SFTPD: variants seen among roughly 807,000 people sequenced by gnomAD.
SFTPD encodes surfactant protein D, also known as pulmonary surfactant-associated protein D.
Under a neutral mutation model 34.6 loss-of-function variants are expected in SFTPD, and 18 were observed. The ratio of observed to expected loss-of-function variants is 0.52; its 90% CI spans 0.36 to 0.77. The LOEUF (loss-of-function observed/expected upper bound fraction) is 0.77. SFTPD is among the 30% of genes least tolerant of loss of function. The probability of loss-of-function intolerance (pLI) is 0.00; values close to 1 mark genes in which losing one functional copy is unlikely to be tolerated. For synonymous variants in SFTPD, 155 were observed against 180.9 expected, an observed-to-expected ratio of 0.86 and a Z score of 1.15; for missense variants, 433 against 468.9, an observed-to-expected ratio of 0.92 and a Z score of 0.71.
At chr10:79,977,452 A>G (rs560940177) in intron 1 of SFTPD, among the ~76,000 whole-genome samples, 18 of 151,962 alleles carry the variant, frequency 1.2e-4, no homozygotes, top group Admixed American at 2.6e-4. Flanking sequence ...CTGATACTCA[A>G]TCATAAACAA....
intron 1 of SFTPD, among the ~76,000 whole-genome samples, chr10:79,966,497 G>A (rs1175223591): frequency 7.9e-6 from 1 of 126,340 alleles, no homozygotes; most frequent in East Asian, 3.0e-4. Context: ...TTTGTCAGAT[G>A]AGTAGGTTGC....
chr10:79,951,135 T>G (rs1842707837), upstream of SFTPD: 1 of 152,194 alleles, frequency 6.6e-6, no homozygotes, highest in African/African-American at 2.4e-5. Flanking sequence ...AACTTTCTCT[T>G]GTATCTCATT....
chr10:79,979,373 A>G (rs1029124151), intron 1 of SFTPD, among the ~76,000 whole-genome samples: 1 of 152,256 alleles, frequency 6.6e-6, no homozygotes, highest in African/African-American at 2.4e-5. Flanking sequence ...GAGCAATCAC[A>G]GTACATGGTT....
rs908530994 is a variant in SFTPD, at chr10:79,942,695, C to T, written c.316+68G>A. ...CTTCCTGGGATGGGCTCTGTGCGTG[C>T]CCACTGGCATATCCTTGCAGCTGCA... On this transcript the variant is annotated intron_variant, in intron 3 of 7. Transcript: ENST00000372292. 4 of 1,150,586 alleles carry T rather than the reference C, an allele frequency of 3.5e-6. No homozygotes were observed. The African/African-American group carries it at 6.1e-5, about 17-fold the overall frequency. 71.3% of individuals were successfully genotyped at this position (1,150,586 alleles called of 1,614,324 possible).
At chr10:79,949,470 G>A (rs1341854173), upstream of SFTPD, among the ~76,000 whole-genome samples, 3 of 152,162 alleles carry the variant, frequency 2.0e-5, no homozygotes, top group Admixed American at 6.5e-5. Context: ...CAGATCTTAA[G>A]AGCCAAGACC....
chr10:79,951,893 G>A (rs1842712314), upstream of SFTPD, among the ~76,000 whole-genome samples: 1 of 152,198 alleles, frequency 6.6e-6, no homozygotes, highest in Non-Finnish European at 1.5e-5. Context: ...TGCCTTGATG[G>A]GAGTGGAAAT....
chr10:79,948,399 G>T (rs723193), intron 1 of SFTPD, among the ~76,000 whole-genome samples: 12,165 of 152,244 alleles, frequency 0.08, 644 homozygotes, highest in South Asian at 0.2. Context: ...GGGCAGACCC[G>T]GGTTTTCAGG....
intron 1 of SFTPD, among the ~76,000 whole-genome samples, chr10:79,958,887 G>C (rs1413956768): frequency 4.0e-5 from 6 of 151,826 alleles, no homozygotes; most frequent in South Asian, 2.1e-4. Flanking sequence ...TGACCACATA[G>C]TTGGAAGTAA....
In SFTPD at chr10:79,938,063, G is replaced by A. The variant is rs1438201893; in HGVS notation, c.917C>T (p.Ala306Val). Residue 306 changes from alanine to valine, a missense_variant, in exon 8 of 8, where the codon GCT (alanine) becomes GTT (valine). Physicochemically the swap from Ala to Val is moderately conservative, Grantham distance 64. Transcript: ENST00000372292. ...ENAALQQLVV[A>V]KNEAAFLSMT... ...GCTCAGGAAAGCAGCCTCGTTCTTA[G>A]CTACGACCAGCTGTTGCAAGGCGGC... 4.3e-6 allele frequency: 7 copies of A among 1,614,034 alleles called. No individual in the cohort carries two copies. Among genetic ancestry groups the A allele is most frequent in the Non-Finnish European group, 5.9e-6 (7 of 1,180,016 alleles).
At chr10:79,951,698 A>T (rs1464096346), upstream of SFTPD, among the ~76,000 whole-genome samples, 1 of 152,216 alleles carries the variant, frequency 6.6e-6, no homozygotes, top group East Asian at 1.9e-4. Context: ...TGGCTGTGGC[A>T]TAAGCTGATG....
chr10:79,942,546 T>G, intron 3 of SFTPD, 42 bp from the exon 4 acceptor site: 1 of 1,315,616 alleles, frequency 7.6e-7, no homozygotes, highest in Non-Finnish European at 1.1e-6. Context: ...ATGAATCCTC[T>G]TGGCAGGAGG....
chr10:79,958,787 A>T (rs1842755033), intron 1 of SFTPD, among the ~76,000 whole-genome samples: 1 of 152,234 alleles, frequency 6.6e-6, no homozygotes, highest in Admixed American at 6.5e-5. Flanking sequence ...CTCTGCACCA[A>T]GCAGACCTAA....
chr10:79,959,622 A>G (rs932198430), intron 1 of SFTPD, among the ~76,000 whole-genome samples: 12 of 152,336 alleles, frequency 7.9e-5, no homozygotes, highest in African/African-American at 2.4e-4. Flanking sequence ...GAATAGACCA[A>G]TAACAGACTC....
At chr10:79,975,348 T>C (rs1314189788) in intron 1 of SFTPD, among the ~76,000 whole-genome samples, 1 of 152,200 alleles carries the variant, frequency 6.6e-6, no homozygotes, top group East Asian at 1.9e-4. Flanking sequence ...GTTACTTTGT[T>C]ATACTCTCCT....
intron 1 of SFTPD, chr10:79,969,815 T>C (rs529396431): frequency 2.0e-5 from 3 of 152,310 alleles, no homozygotes; most frequent in African/African-American, 7.2e-5. Context: ...AGTTTGCAAA[T>C]ATTTTCTCCC....
At chr10:79,945,963 A>G (rs1210022793) in intron 2 of SFTPD, among the ~76,000 whole-genome samples, 1 of 152,234 alleles carries the variant, frequency 6.6e-6, no homozygotes, top group African/African-American at 2.4e-5. Context: ...GCCCAAGCAC[A>G]AGGGTGGACA....
intron 7 of SFTPD, among the ~76,000 whole-genome samples, chr10:79,938,992 G>A (rs1050562762): frequency 2.0e-5 from 3 of 152,200 alleles, no homozygotes; most frequent in African/African-American, 7.2e-5. Flanking sequence ...TGGAAGACCA[G>A]GCATTCAGAT....
intron 1 of SFTPD, among the ~76,000 whole-genome samples, chr10:79,962,442 T>A (rs1421631674): frequency 6.6e-6 from 1 of 152,172 alleles, no homozygotes; most frequent in Admixed American, 6.5e-5. Flanking sequence ...TATTTTTATA[T>A]ATACTTACAT....
chr10:79,949,031 G>GA (rs1842692571), intron 1 of SFTPD, 35 bp downstream of exon 1: 3 of 152,196 alleles, frequency 2.0e-5, no homozygotes, highest in African/African-American at 7.2e-5. Flanking sequence ...AGGATGTGGA[G>GA]AAAATAAAAA....
Sources: gnomAD v4.1 joint callset for allele counts (sites outside exome capture counted in the v4.1 genomes callset) on GRCh38, gnomAD v4.1.1 for gene constraint, MANE v1.5 for transcripts, NCBI Gene and HGNC (gene_info 2026-07-23, HGNC 2026-07-21) for gene names.